The following ITPKA variants were observed in gnomAD, a reference collection of about 807,000 sequenced individuals.
ITPKA encodes inositol-trisphosphate 3-kinase A.
ITPKA carries 16 observed loss-of-function variants against 40.7 expected under a neutral mutation model. The observed-to-expected ratio is 0.39, with a 90% confidence interval of 0.27 to 0.60. The LOEUF (loss-of-function observed/expected upper bound fraction) is 0.60, where lower values mean the gene tolerates loss of function less well. Ranked by LOEUF, ITPKA falls within the 20% of genes least tolerant of loss-of-function variation. The pLI, the probability that ITPKA is intolerant of heterozygous loss-of-function variation, is 0.50. For synonymous variants in ITPKA, 313 were observed against 289.9 expected (o/e 1.08, Z -0.81); for missense variants, 540 against 649.3 (o/e 0.83, Z 1.83).
intron 1 of ITPKA, among the ~76,000 whole-genome samples, chr15:41,499,840 G>C (rs961054819): frequency 6.6e-6 from 1 of 152,164 alleles, no homozygotes; most frequent in Non-Finnish European, 1.5e-5. Context: ...TTAGCTGGAG[G>C]CTAGAAGAGA....
chr15:41,501,484 C>G lies in ITPKA; in HGVS notation c.511C>G (p.Arg171Gly), dbSNP rs1472159576. The G allele has an allele frequency of 6.2e-7, 1 of 1,610,120 alleles. No individual in the cohort carries two copies. Among genetic ancestry groups the G allele is most frequent in the Non-Finnish European group, 8.5e-7 (1 of 1,178,784 alleles). The change falls in exon 2 of 7, where the codon CGG becomes GGG. Residue 171 changes from arginine to glycine, a missense_variant. Arg to Gly is a moderately radical substitution (Grantham distance 125). Transcript: ENST00000260386. ...TCAGAAAAACCACTGGCAGAAGATC[C>G]GGACCATGGTCAATCTGCCGGTCAT... ...VGQKNHWQKI[R>G]TMVNLPVISP...
In ITPKA at chr15:41,500,265, C is replaced by G. The variant is rs78751421; in HGVS notation, c.490-1198C>G. Among the ~76,000 whole-genome samples the G allele has an allele frequency of 4.6e-3, 703 of 152,306 alleles. 21 individuals are homozygous for G. Among genetic ancestry groups the G allele is most frequent in the Admixed American group, 0.033 (507 of 15,296 alleles). On this transcript the variant is annotated intron_variant, in intron 1 of 6. Coordinates refer to ENST00000260386, the MANE Select transcript of ITPKA (RefSeq NM_002220.3). ...TGAGCCACCTCGCCCAGCCCGGCAT[C>G]TTATTTTCATGGCTTAAGATTTCTA...
At position 41,494,141 on chromosome 15, in the gene ITPKA, C is replaced by T. The variant is rs747448490; in HGVS notation, c.214C>T (p.Arg72Trp). Residue 72 changes from arginine (R) to tryptophan (W), a missense_variant, in exon 1 of 7, where the codon CGG becomes TGG. By Grantham distance (101) the Arg-to-Trp change is moderately radical. Coordinates refer to ENST00000260386, the MANE Select transcript of ITPKA (RefSeq NM_002220.3). The surrounding 1 kb of genome is among the most constrained non-coding windows in gnomAD (Gnocchi z 7.8). ...RGGQVPNGLP[R>W]APPAPVIPQL... ...GGGACAGGTCCCCAACGGGCTTCCG[C>T]GGGCTCCCCCGGCCCCGGTGATCCC... 2.3e-4 allele frequency: 335 copies of T among 1,457,284 alleles called. No individual in the cohort carries two copies. Among genetic ancestry groups the T allele is most frequent in the Non-Finnish European group, 2.9e-4 (321 of 1,106,864 alleles). The allele number at this position is 1,457,284 out of a possible 1,614,324, so 90.3% of individuals were successfully genotyped here.
chr15:41,501,998 A>G lies in ITPKA; in HGVS notation c.805A>G (p.Thr269Ala). The change falls in exon 4 of 7, where the codon ACT (threonine) becomes GCT (alanine). Residue 269 changes from threonine (T) to alanine (A), a missense_variant and splice_region_variant. Transcript: ENST00000260386. ...TGGCCGCTGCCTGCGCCCCCACAGG[A>G]CTTACCTAGAGGAGGAGCTGACCAA... ...CVLDCKMGVR[T>A]YLEEELTKAR... The G allele has an allele frequency of 6.2e-7, 1 of 1,612,706 alleles. No individual in the cohort carries two copies. Among genetic ancestry groups the G allele is most frequent in the East Asian group, 2.2e-5 (1 of 44,820 alleles).
Position 41,494,480 on chromosome 15 carries a change from G to C in ITPKA, c.489+64G>C. 3 of 1,118,754 alleles carry C rather than the reference G, an allele frequency of 2.7e-6. No individual in the cohort carries two copies. Among genetic ancestry groups the C allele is most frequent in the Non-Finnish European group, 3.6e-6 (3 of 835,518 alleles). 69.3% of individuals were successfully genotyped at this position (1,118,754 alleles called of 1,614,324 possible). On this transcript the variant is annotated intron_variant, in intron 1 of 6. Transcript: ENST00000260386. The surrounding 1 kb of genome is among the most constrained non-coding windows in gnomAD (Gnocchi z 7.8). The stretch of plus-strand genomic sequence containing the variant: ...GGCTGCACGGGGGACCTGGCTGGGT[G>C]CTCCCGGAGGACCCGCTCCTGTCCA...
Position 41,501,532 on chromosome 15 carries a change from G to C in ITPKA, c.559G>C (p.Ala187Pro). 6.2e-7 allele frequency: 1 copy of C among 1,608,104 alleles called. No individual in the cohort carries two copies. Residue 187 changes from alanine (A) to proline (P), a missense_variant, in exon 2 of 7, where the codon GCC (alanine) becomes CCC (proline). By Grantham distance (27) the Ala-to-Pro change is conservative (BLOSUM62 -1). Transcript: ENST00000260386. The stretch of plus-strand genomic sequence containing the variant: ...CATAAGCCCTTTCAAGAAGCGCTAC[G>C]CCTGGGTGCAGCTGGCAGGGCACAC... ...PVISPFKKRY[A>P]WVQLAGHTGS...
chr15:41,501,902 C>T (rs1454877337), intron 3 of ITPKA, 51 bp downstream of exon 3: 3 of 1,594,896 alleles, frequency 1.9e-6, no homozygotes, highest in Admixed American at 1.7e-5. Flanking sequence ...GGGTCCGGGG[C>T]CGGGACAGCT....
intron 1 of ITPKA, among the ~76,000 whole-genome samples, chr15:41,499,878 A>C (rs1479596189): frequency 1.3e-5 from 2 of 151,220 alleles, no homozygotes; most frequent in East Asian, 3.9e-4. Context: ...AAACAAAAAC[A>C]AAAAACAAAA....
chr15:41,501,940 C>A (rs1159718805), intron 3 of ITPKA, 57 bp from the exon 4 acceptor site: 4 of 1,589,458 alleles, frequency 2.5e-6, no homozygotes, highest in East Asian at 4.5e-5. Context: ...GGCGAGTGCT[C>A]GAAGGGGTCT....
chr15:41,502,648 G>A, intron 5 of ITPKA, 140 bp from the exon 6 acceptor site: 3 of 973,320 alleles, frequency 3.1e-6, no homozygotes, highest in Non-Finnish European at 4.6e-6. Context: ...CTTCCCTTCT[G>A]GGCCACGCTG....
rs753794514 is a variant in ITPKA at position 41,503,125 on chromosome 15, G to C, written c.1345G>C (p.Asp449His). ...CGAGGACGGCTATTTGCTGGGGCTG[G>C]ACAATCTCATTGGCATCCTGGCCAG... ...NREDGYLLGLDNLIGILASLA... is the reference protein window; with the variant it reads ...NREDGYLLGLHNLIGILASLA... Residue 449 changes from aspartate to histidine, a missense_variant, in exon 7 of 7, where the codon GAC becomes CAC. Transcript: ENST00000260386. 1 of 1,598,338 alleles carries C rather than the reference G, an allele frequency of 6.3e-7. No individual in the cohort carries two copies. The highest frequency in any genetic ancestry group is 1.3e-5 in the African/African-American group (1 of 74,756).
chr15:41,502,295 C>A, intron 4 of ITPKA, 94 bp downstream of exon 4: 3 of 1,381,666 alleles, frequency 2.2e-6, no homozygotes, highest in South Asian at 1.2e-5. Context: ...CCTCCGCCCT[C>A]TCCCACCGCC....
In ITPKA at chr15:41,494,402, G is replaced by A; in HGVS notation, c.475G>A (p.Glu159Lys). Residue 159 changes from glutamate to lysine, a missense_variant, in exon 1 of 7, where the codon GAG (glutamate) becomes AAG (lysine). Coordinates refer to ENST00000260386, the MANE Select transcript of ITPKA (RefSeq NM_002220.3). The surrounding 1 kb of genome is among the most constrained non-coding windows in gnomAD (Gnocchi z 7.8). ...CGGCAACGTGCAGCTGGAAGCGGGC[G>A]AGGACGTGGGTCAGGTACGGGCCGC... ...SRGNVQLEAGEDVGQKNHWQK... is the reference protein window; with the variant it reads ...SRGNVQLEAGKDVGQKNHWQK... 5 of 1,476,174 alleles carry A rather than the reference G, an allele frequency of 3.4e-6. No homozygotes were observed. The highest frequency in any genetic ancestry group is 4.5e-6 in the Non-Finnish European group (5 of 1,114,816). 91.4% of individuals were successfully genotyped at this position (1,476,174 alleles called of 1,614,324 possible).
At chr15:41,502,745 CGTTTA>C in intron 5 of ITPKA, 38 bp from the exon 6 acceptor site, 1 of 1,525,444 alleles carries the variant, frequency 6.6e-7, no homozygotes, top group Non-Finnish European at 8.9e-7. Context: ...GCTCATTTGG[CGTTTA>C]GTTAATTTGC....
Position 41,494,263 on chromosome 15 carries a change from G to A in ITPKA, c.336G>A (p.Ser112=). The A allele has an allele frequency of 1.3e-6, 2 of 1,546,718 alleles. No individual in the cohort carries two copies. The highest frequency in any genetic ancestry group is 1.7e-6 in the Non-Finnish European group (2 of 1,154,352). The change falls in exon 1 of 7, where the codon TCG becomes TCA. Residue 112 remains serine (S), a synonymous_variant. Coordinates refer to ENST00000260386, the MANE Select transcript of ITPKA (RefSeq NM_002220.3). This position sits in a 1 kb window ranked among gnomAD's most constrained non-coding sequence, Gnocchi z 7.8. ...ACTGCCTCCCGGCAGCGGGCTCTTC[G>A]CACCTGCAGCAGCCGCGCCGCCTTT... ...ERDCLPAAGS[S]HLQQPRRLST... is the part of the protein sequence containing the mutation.
At chr15:41,497,444 T>C (rs376532402) in intron 1 of ITPKA, among the ~76,000 whole-genome samples, 1 of 152,192 alleles carries the variant, frequency 6.6e-6, no homozygotes, top group Non-Finnish European at 1.5e-5. Context: ...GCCAGGCTGC[T>C]CTCGAACTCC....
chr15:41,495,786 G>A (rs946212408), intron 1 of ITPKA, among the ~76,000 whole-genome samples: 6 of 152,268 alleles, frequency 3.9e-5, no homozygotes, highest in Admixed American at 3.3e-4. Flanking sequence ...GGGCGCGGAA[G>A]CTCTGACACC....
In ITPKA at chr15:41,501,741, G is replaced by A; in HGVS notation, c.693G>A (p.Val231=). ...RLMADALRGC[V]PAFHGVVERD... ...TGGCTGACGCGCTGCGCGGCTGCGT[G>A]CCTGCCTTCCACGGCGTGGTGGAGC... Residue 231 remains valine (V), a synonymous_variant, in exon 3 of 7, where the codon GTG becomes GTA. Transcript: ENST00000260386. 6.2e-7 allele frequency: 1 copy of A among 1,612,198 alleles called. No individual in the cohort carries two copies. The highest frequency in any genetic ancestry group is 8.5e-7 in the Non-Finnish European group (1 of 1,179,650).
chr15:41,498,893 C>T (rs543300240), intron 1 of ITPKA, among the ~76,000 whole-genome samples: 1 of 152,268 alleles, frequency 6.6e-6, no homozygotes, highest in South Asian at 2.1e-4. Flanking sequence ...GCAGTTGGAA[C>T]TTGGGGAGGG....
Sources: gnomAD v4.1 joint callset for allele counts (sites outside exome capture counted in the v4.1 genomes callset) on GRCh38, gnomAD v4.1.1 for gene constraint, Gnocchi (gnomAD v3.1) non-coding constraint, MANE v1.5 for transcripts, NCBI Gene and HGNC (gene_info 2026-07-23, HGNC 2026-07-21) for gene names.